ASIC2: variants seen among roughly 807,000 people sequenced by gnomAD.
ASIC2 encodes the protein acid-sensing ion channel 2.
ASIC2 carries 25 observed loss-of-function variants against 57.3 expected under a neutral mutation model. The ratio of observed to expected loss-of-function variants is 0.44; its 90% CI spans 0.32 to 0.61. The LOEUF is 0.61. Ranked by LOEUF, ASIC2 falls within the 20% of genes least tolerant of loss-of-function variation. The pLI, the probability that ASIC2 is intolerant of heterozygous loss-of-function variation, is 0.06. For missense variants in ASIC2, 641 were observed against 738.1 expected (o/e 0.87, Z 1.52); for synonymous variants, 319 against 307.5 (o/e 1.04, Z -0.39).
At chr17:33,954,642 A>G (rs1459013477) in intron 1 of ASIC2, among the ~76,000 whole-genome samples, 1 of 152,202 alleles carries the variant, frequency 6.6e-6, no homozygotes, top group Non-Finnish European at 1.5e-5. Flanking sequence ...CTGACTGTTC[A>G]TCCCCAAGGA....
chr17:34,084,672 G>A (rs1207713603), intron 1 of ASIC2, among the ~76,000 whole-genome samples: 3 of 152,180 alleles, frequency 2.0e-5, no homozygotes, highest in African/African-American at 7.2e-5. Context: ...TCCTACCCAT[G>A]AGCATGGAAT....
intron 1 of ASIC2, among the ~76,000 whole-genome samples, chr17:33,425,787 C>T (rs1203756475): frequency 6.6e-6 from 1 of 152,096 alleles, no homozygotes; most frequent in African/African-American, 2.4e-5. Flanking sequence ...GTGAAGTCCT[C>T]CATCTGGGCA....
At chr17:33,690,757 T>G (rs945652758) in intron 1 of ASIC2, among the ~76,000 whole-genome samples, 1 of 142,942 alleles carries the variant, frequency 7.0e-6, no homozygotes, top group African/African-American at 2.6e-5. Context: ...TTTTTTTTTT[T>G]TTTTTTTTTT....
At chr17:33,232,425 GT>G (rs1597642309) in intron 1 of ASIC2, among the ~76,000 whole-genome samples, 1 of 148,426 alleles carries the variant, frequency 6.7e-6, no homozygotes, top group East Asian at 2.1e-4. Flanking sequence ...GTATGGTATG[GT>G]ATGGTATGGT....
rs117206010 is a variant in ASIC2, at chr17:33,325,143, A to T, written c.556-213076T>A. On this transcript the variant is annotated intron_variant, in intron 1 of 9. Coordinates refer to the ASIC2 transcript ENST00000359872. ...AAGAAACAAACAAACAAACAAACAAACAAGAAAGCTAGATCTTGGCTCTGT... is the reference window on the plus strand; with the variant it reads ...AAGAAACAAACAAACAAACAAACAATCAAGAAAGCTAGATCTTGGCTCTGT... 5.3e-3 allele frequency among the ~76,000 whole-genome samples: 801 copies of T among 152,272 alleles called. 4 individuals are homozygous for T. The highest frequency in any genetic ancestry group is 9.2e-3 in the Non-Finnish European group (627 of 68,020).
chr17:33,086,723 C>T (rs2092135146), intron 3 of ASIC2, among the ~76,000 whole-genome samples: 1 of 152,064 alleles, frequency 6.6e-6, no homozygotes, highest in Non-Finnish European at 1.5e-5. Flanking sequence ...TGAGAAAACT[C>T]GAGGCTGCCA....
chr17:33,967,779 G>A (rs1905115856), intron 1 of ASIC2, among the ~76,000 whole-genome samples: 1 of 152,202 alleles, frequency 6.6e-6, no homozygotes, highest in Non-Finnish European at 1.5e-5. Context: ...GACATGCAGT[G>A]TCTCATTAAT....
At chr17:33,862,021 C>T (rs1465102164) in intron 1 of ASIC2, among the ~76,000 whole-genome samples, 5 of 152,174 alleles carry the variant, frequency 3.3e-5, no homozygotes, top group Admixed American at 1.3e-4. Flanking sequence ...AGCTGCACCA[C>T]GATACTGTCT....
At chr17:33,630,132 T>G (rs17836884) in intron 1 of ASIC2, among the ~76,000 whole-genome samples, 46,032 of 151,968 alleles carry the variant, frequency 0.3, 7,159 homozygotes, top group East Asian at 0.42. Flanking sequence ...TCTGATCACT[T>G]TTCTTCCCTA....
intron 1 of ASIC2, among the ~76,000 whole-genome samples, chr17:33,772,509 GT>G (rs1415860127): frequency 6.6e-6 from 1 of 152,262 alleles, no homozygotes; most frequent in East Asian, 1.9e-4. Context: ...TCTGCTTTAT[GT>G]GTGTGATTTC....
At chr17:33,142,101 G>A (rs1423601257) in intron 1 of ASIC2, among the ~76,000 whole-genome samples, 2 of 152,174 alleles carry the variant, frequency 1.3e-5, no homozygotes, top group Admixed American at 1.3e-4. Context: ...GTTCTCTGTT[G>A]CTTTTTCAGC....
At position 33,523,381 on chromosome 17, in the gene ASIC2, C is replaced by T. The variant is rs530629700; in HGVS notation, c.556-411314G>A. On this transcript the variant is annotated intron_variant, in intron 1 of 9. Transcript: ENST00000359872. ...AAGCAATTCTCGTGCCTCAGCCTCC[C>T]GAGTAGCTGGAATTACAGGCACCTA... Among the ~76,000 whole-genome samples the T allele has an allele frequency of 3.4e-4, 52 of 152,242 alleles. 1 individual carries two copies. Among genetic ancestry groups the T allele is most frequent in the African/African-American group, 1.1e-3 (45 of 41,546 alleles).
chr17:34,049,951 T>C (rs1433151124), intron 1 of ASIC2, among the ~76,000 whole-genome samples: 1 of 152,148 alleles, frequency 6.6e-6, no homozygotes, highest in Non-Finnish European at 1.5e-5. Flanking sequence ...CAGAGTTGAG[T>C]CCCCAACTAT....
intron 1 of ASIC2, among the ~76,000 whole-genome samples, chr17:34,022,722 G>A (rs1234117379): frequency 7.9e-5 from 12 of 151,702 alleles, no homozygotes; most frequent in Non-Finnish European, 1.8e-4. Flanking sequence ...TTGGCATGAA[G>A]AAGTGGTTCA....
chr17:33,540,909 GAC>G (rs1298092926), intron 1 of ASIC2, among the ~76,000 whole-genome samples: 9 of 152,330 alleles, frequency 5.9e-5, no homozygotes, highest in African/African-American at 2.2e-4. Flanking sequence ...TGTTGCAATA[GAC>G]ACAATCCCTT....
At chr17:33,722,414 A>G (rs1909415769) in intron 1 of ASIC2, among the ~76,000 whole-genome samples, 1 of 152,200 alleles carries the variant, frequency 6.6e-6, no homozygotes, top group Non-Finnish European at 1.5e-5. Context: ...AATAAGAAAA[A>G]GACAAACAAC....
chr17:33,465,234 T>C (rs1597738105), intron 1 of ASIC2, among the ~76,000 whole-genome samples: 1 of 152,214 alleles, frequency 6.6e-6, no homozygotes, highest in East Asian at 1.9e-4. Flanking sequence ...TTTCTAATGC[T>C]TTCCTCCAAA....
intron 1 of ASIC2, chr17:33,936,478 G>T (rs568642108): frequency 6.6e-6 from 1 of 152,250 alleles, no homozygotes; most frequent in African/African-American, 2.4e-5. Context: ...CACTGGAAGA[G>T]CCCAAGAGAA....
chr17:33,748,562 C>G (rs924295819), intron 1 of ASIC2, among the ~76,000 whole-genome samples: 7 of 152,208 alleles, frequency 4.6e-5, no homozygotes, highest in African/African-American at 1.7e-4. Flanking sequence ...ACTAACTCAT[C>G]ATGGGTAGGG....
Sources: gnomAD v4.1 joint callset for allele counts (sites outside exome capture counted in the v4.1 genomes callset) on GRCh38, gnomAD v4.1.1 for gene constraint, MANE v1.5 for transcripts, NCBI Gene and HGNC (gene_info 2026-07-23, HGNC 2026-07-21) for gene names.